Variants in ZNF283 observed in about 807,000 individuals in gnomAD.
ZNF283 encodes zinc finger protein 41.
A neutral mutation model predicts 9.2 loss-of-function variants in ZNF283; 10 were observed. The observed-to-expected ratio is 1.09, with a 90% CI of 0.67 to 1.85. The LOEUF is 1.85. ZNF283 is among the 40% of genes most tolerant of loss of function. The pLI, the probability that ZNF283 is intolerant of heterozygous loss-of-function variation, is 0.00. For missense variants in ZNF283, 631 were observed against 760.1 expected (o/e 0.83, Z 2.00); for synonymous variants, 234 against 244.1 (o/e 0.96, Z 0.38).
At chr19:43,841,434 C>CTTTTTT (rs557533523) in intron 6 of ZNF283, 2 of 129,608 alleles carry the variant, frequency 1.5e-5, no homozygotes, top group African/African-American at 5.8e-5. Context: ...CTAATTTTAT[C>CTTTTTT]TTTTTTTTTT....
chr19:43,844,891 T>A (rs1425992780), intron 6 of ZNF283, among the ~76,000 whole-genome samples: 2 of 152,110 alleles, frequency 1.3e-5, no homozygotes, highest in Non-Finnish European at 2.9e-5. Flanking sequence ...TCTATTGAGG[T>A]ATAAAACCTA....
intron 6 of ZNF283, among the ~76,000 whole-genome samples, chr19:43,838,591 C>G (rs1971075048): frequency 6.6e-6 from 1 of 152,128 alleles, no homozygotes. Flanking sequence ...ATTGTGTCAC[C>G]ACACTCCAGC....
intron 6 of ZNF283, among the ~76,000 whole-genome samples, chr19:43,842,423 T>C (rs946785744): frequency 2.0e-5 from 3 of 152,210 alleles, no homozygotes; most frequent in South Asian, 4.1e-4. Flanking sequence ...ATACTGGCCA[T>C]TGTAGATGCC....
chr19:43,844,340 AG>A (rs1267225671), intron 6 of ZNF283, among the ~76,000 whole-genome samples: 13 of 152,234 alleles, frequency 8.5e-5, no homozygotes, highest in Admixed American at 7.8e-4. Flanking sequence ...AAACATAAGT[AG>A]TAAGTAACTA....
In ZNF283 at chr19:43,848,387, G is replaced by T; in HGVS notation, c.1786G>T (p.Glu596Ter). Residue 596 changes from glutamate to a stop codon, truncating the protein, a stop_gained, in exon 7 of 7, where the codon GAG (glutamate) becomes TAG (stop). Transcript: ENST00000618787. LOFTEE classifies it low-confidence loss of function (END_TRUNC). ...LVKHERVHTN[E>*]KSYECKDCGK... The stretch of plus-strand genomic sequence containing the variant: ...TAAGCATGAGAGAGTCCATACTAAT[G>T]AGAAGTCTTATGAATGTAAAGACTG... 1 of 1,613,832 alleles carries T rather than the reference G, an allele frequency of 6.2e-7. No homozygotes were observed. Among genetic ancestry groups the T allele is most frequent in the South Asian group, 1.1e-5 (1 of 91,058 alleles).
intron 6 of ZNF283, among the ~76,000 whole-genome samples, chr19:43,841,305 T>C (rs566510229): frequency 1.3e-5 from 2 of 152,332 alleles, no homozygotes; most frequent in African/African-American, 4.8e-5. Context: ...TAGCATGGTC[T>C]ACTTGAAATT....
rs1971590177 is a variant in ZNF283, at chr19:43,850,884, A to T, written c.*2243A>T. The T allele has an allele frequency of 6.6e-6, 1 of 152,116 alleles. No homozygotes were observed. Among genetic ancestry groups the T allele is most frequent in the Non-Finnish European group, 1.5e-5 (1 of 68,012 alleles). The allele number at this position is 152,116 out of a possible 1,614,324, so 9.4% of individuals were successfully genotyped here. A position where few individuals can be genotyped will look rare whatever the true frequency, so the allele number is the denominator to read the frequency against. On this transcript the variant is annotated 3_prime_UTR_variant, in exon 7 of 7. Transcript: ENST00000618787. The stretch of plus-strand genomic sequence containing the variant: ...TATATACTCACACAGTTAGAAATCG[A>T]CCCTTTTAAAAATTATTTCTTTTTG...
Position 43,848,857 on chromosome 19 carries a change from T to A in ZNF283, c.*216T>A, listed in dbSNP as rs112612067. On this transcript the variant is annotated 3_prime_UTR_variant, in exon 7 of 7. Transcript: ENST00000618787. ...GCCTTTAGACTTCTGTACAGTCTTA[T>A]TGGATATCAATTTATACTGATGTAA... is the stretch of plus-strand genomic sequence containing the variant. 1,400 of 401,068 alleles carry A rather than the reference T, an allele frequency of 3.5e-3. 18 individuals are homozygous for A. The highest frequency in any genetic ancestry group is 0.025 in the African/African-American group (1,256 of 49,402). 24.8% of individuals were successfully genotyped at this position (401,068 alleles called of 1,614,324 possible).
chr19:43,830,449 A>G (rs1209209813), intron 2 of ZNF283, among the ~76,000 whole-genome samples: 1 of 152,170 alleles, frequency 6.6e-6, no homozygotes, highest in African/African-American at 2.4e-5. Flanking sequence ...AAATCCCTTG[A>G]AATTGAGACT....
In ZNF283 at chr19:43,851,810, A is replaced by C. The variant is rs1971619679; in HGVS notation, c.*3169A>C. ...TGGTGTATGGCAAACTTCACTGTTG[A>C]AATACTTATTCCCATGACCTATTAT... On this transcript the variant is annotated 3_prime_UTR_variant, in exon 7 of 7. Coordinates refer to ENST00000618787, the MANE Select transcript of ZNF283 (RefSeq NM_181845.2). 6.6e-6 allele frequency: 1 copy of C among 152,384 alleles called. No homozygotes were observed. The highest frequency in any genetic ancestry group is 6.5e-5 in the Admixed American group (1 of 15,308). The allele number at this position is 152,384 out of a possible 1,614,324, so 9.4% of individuals were successfully genotyped here.
At chr19:43,836,231 G>A (rs919213176) in intron 5 of ZNF283, among the ~76,000 whole-genome samples, 5 of 152,158 alleles carry the variant, frequency 3.3e-5, no homozygotes, top group African/African-American at 4.8e-5. Flanking sequence ...TGCTTATGAT[G>A]TAATCTAACA....
chr19:43,848,592 T>C lies in ZNF283; in HGVS notation c.1991T>C (p.Leu664Pro), dbSNP rs1207735446. 3 of 1,583,128 alleles carry C rather than the reference T, an allele frequency of 1.9e-6. No homozygotes were observed. The highest frequency in any genetic ancestry group is 4.5e-5 in the East Asian group (2 of 44,410). The change falls in exon 7 of 7, where the codon CTG becomes CCG. Residue 664 changes from leucine to proline, a missense_variant. By Grantham distance (98) the Leu-to-Pro change is moderately conservative. Around this residue, in one of 3 missense-constraint regions of ZNF283, gnomAD observed 444 missense variants for 522.5 expected, o/e 0.85. Transcript: ENST00000618787. ...YKYNECGEAF[L>P]WTTYSNEKID... ...TATAACGAATGTGGGGAAGCCTTTC[T>C]GTGGACAACTTACTCAAATGAGAAA... is the stretch of plus-strand genomic sequence containing the variant.
chr19:43,831,095 A>G (rs973350911), intron 2 of ZNF283, among the ~76,000 whole-genome samples: 2 of 152,104 alleles, frequency 1.3e-5, no homozygotes, highest in African/African-American at 4.8e-5. Flanking sequence ...GCTCAAGAAT[A>G]TTGTGTTATG....
Position 43,850,788 on chromosome 19 carries a change from C to G in ZNF283, c.*2147C>G, listed in dbSNP as rs1025551826. 1 of 152,204 alleles carries G rather than the reference C, an allele frequency of 6.6e-6. No homozygotes were observed. Among genetic ancestry groups the G allele is most frequent in the Non-Finnish European group, 1.5e-5 (1 of 68,028 alleles). The allele number at this position is 152,204 out of a possible 1,614,324, so 9.4% of individuals were successfully genotyped here. The stretch of plus-strand genomic sequence containing the variant: ...ATTGATGGCTTCTTGCAACCACTTT[C>G]AACCAGGTGCCTGTCATGATTTAGT... On this transcript the variant is annotated 3_prime_UTR_variant, in exon 7 of 7. Transcript: ENST00000618787.
intron 6 of ZNF283, among the ~76,000 whole-genome samples, chr19:43,842,646 A>G (rs1971259867): frequency 6.6e-6 from 1 of 152,230 alleles, no homozygotes; most frequent in Non-Finnish European, 1.5e-5. Flanking sequence ...GGAGTTCCCA[A>G]GAACCTTTCA....
chr19:43,839,784 C>G (rs1233021233), intron 6 of ZNF283, among the ~76,000 whole-genome samples: 2 of 152,030 alleles, frequency 1.3e-5, no homozygotes, highest in African/African-American at 4.8e-5. Flanking sequence ...TAATTTCTAT[C>G]CTTTTATTGA....
Position 43,848,384 on chromosome 19 carries a change from AAT to A in ZNF283, c.1784_1785del (p.Asn595ArgfsTer5). On this transcript the variant is annotated frameshift_variant, in exon 7 of 7. Coordinates refer to ENST00000618787, the MANE Select transcript of ZNF283 (RefSeq NM_181845.2). LOFTEE classifies it low-confidence loss of function (END_TRUNC). ...AGTTAAGCATGAGAGAGTCCATACTAATGAGAAGTCTTATGAATGTAAAGACT... is the reference window on the plus strand; with the variant it reads ...AGTTAAGCATGAGAGAGTCCATACTAGAGAAGTCTTATGAATGTAAAGACT... ...SLVKHERVHT[N>X]EKSYECKDCG... 6.2e-7 allele frequency: 1 copy of A among 1,613,442 alleles called. No homozygotes were observed. Among genetic ancestry groups the A allele is most frequent in the Non-Finnish European group, 8.5e-7 (1 of 1,179,744 alleles).
Position 43,848,069 on chromosome 19 carries a change from A to G in ZNF283, c.1468A>G (p.Lys490Glu). 1 of 1,613,082 alleles carries G rather than the reference A, an allele frequency of 6.2e-7. No individual in the cohort carries two copies. The highest frequency in any genetic ancestry group is 8.5e-7 in the Non-Finnish European group (1 of 1,179,746). Residue 490 changes from lysine to glutamate, a missense_variant, in exon 7 of 7, where the codon AAA (lysine) becomes GAA (glutamate). Lys to Glu is a moderately conservative substitution (Grantham distance 56, BLOSUM62 1). Around this residue, in one of 3 missense-constraint regions of ZNF283, gnomAD observed 444 missense variants for 522.5 expected, o/e 0.85. Coordinates refer to ENST00000618787, the MANE Select transcript of ZNF283 (RefSeq NM_181845.2). ...TACTGGTGAGAAATCCCATGAATGT[A>G]AAGAATGCGGAAAGACCTTTTGTAG... The part of the protein sequence containing the change: ...VHTGEKSHEC[K>E]ECGKTFCSGY...
intron 6 of ZNF283, among the ~76,000 whole-genome samples, chr19:43,845,662 T>G (rs1235265089): frequency 6.6e-6 from 1 of 152,214 alleles, no homozygotes; most frequent in Non-Finnish European, 1.5e-5. Context: ...GCAGATTTAT[T>G]TTCTTCATGT....
Sources: allele counts gnomAD v4.1 joint callset (sites outside exome capture counted in the v4.1 genomes callset), GRCh38; gene constraint gnomAD v4.1.1; regional missense constraint gnomAD v4.1.1; transcripts MANE v1.5; gene names NCBI Gene and HGNC (gene_info 2026-07-23, HGNC 2026-07-21).